KLHL6: variants seen among roughly 807,000 people sequenced by gnomAD.
KLHL6 encodes the protein kelch like family member 6.
In KLHL6, 41 loss-of-function variants were observed where a neutral mutation model predicts 58.6. The ratio of observed to expected loss-of-function variants is 0.70; its 90% confidence interval spans 0.55 to 0.91. KLHL6 has a LOEUF of 0.91. Among genes scored for constraint, KLHL6 ranks in the 40% least tolerant of loss-of-function variants. The pLI is 0.00. For missense variants in KLHL6, 714 were observed against 805.6 expected (o/e 0.89, Z 1.38); for synonymous variants, 338 against 322.7 (o/e 1.05, Z -0.51).
rs138961542 is a variant in KLHL6, at chr3:183,519,947, C to T, written c.459+7898G>A. On this transcript the variant is annotated intron_variant, in intron 2 of 6. Transcript: ENST00000341319. ...AAAACAGAAAAATAATAGGTTAAAT[C>T]ACATTCTTTTTGGCACACTTGAGTT... 2.1e-3 allele frequency among the ~76,000 whole-genome samples: 300 copies of T among 145,876 alleles called. 3 individuals carry two copies. The highest frequency in any genetic ancestry group is 7.2e-3 in the African/African-American group (286 of 39,624).
Position 183,508,187 on chromosome 3 carries a change from C to G in KLHL6, c.781G>C (p.Val261Leu). ...CACGGGTCCAGAAGCGGTAAGCGCA[C>G]GTTCTCGAGGACATAGGGGAGTAAG... ...LCLLPYVLEN[V>L]RLPLLDPWYF... The change falls in exon 3 of 7, where the codon GTG becomes CTG. Residue 261 changes from valine to leucine, a missense_variant. This residue lies in a region of KLHL6 where 510 missense variants were observed against 629.7 expected (regional missense o/e 0.81). Transcript: ENST00000341319. The G allele has an allele frequency of 6.2e-7, 1 of 1,614,188 alleles. No homozygotes were observed. The highest frequency in any genetic ancestry group is 8.5e-7 in the Non-Finnish European group (1 of 1,180,034).
chr3:183,506,869 TAAATAA>T (rs1432528157), intron 3 of KLHL6, among the ~76,000 whole-genome samples: 1 of 148,980 alleles, frequency 6.7e-6, no homozygotes, highest in Non-Finnish European at 1.5e-5. Flanking sequence ...AATAAATAAA[TAAATAA>T]AAGGAGAAGT....
chr3:183,533,287 T>C lies in KLHL6; in HGVS notation c.294-5277A>G, dbSNP rs559227207. On this transcript the variant is annotated intron_variant, in intron 1 of 6. Coordinates refer to ENST00000341319, the MANE Select transcript of KLHL6 (RefSeq NM_130446.4). ...CTTCCTTCTTTCCTTCCTTCCTTCC[T>C]TCCCTCTTTCTTTCTTCTTTCTTTC... Among the ~76,000 whole-genome samples, 121 of 151,978 alleles carry C rather than the reference T, an allele frequency of 8.0e-4. 1 individual carries two copies. The highest frequency in any genetic ancestry group is 2.7e-3 in the African/African-American group (113 of 41,420).
intron 2 of KLHL6, among the ~76,000 whole-genome samples, chr3:183,510,144 C>A (rs1184002854): frequency 6.6e-6 from 1 of 152,044 alleles, no homozygotes; most frequent in Non-Finnish European, 1.5e-5. Context: ...TGCATTGGTT[C>A]ATTCTTATTT....
chr3:183,507,087 T>C (rs1042421920), intron 3 of KLHL6, among the ~76,000 whole-genome samples: 3 of 151,758 alleles, frequency 2.0e-5, no homozygotes, highest in Non-Finnish European at 2.9e-5. Context: ...AGGCAGGAGA[T>C]TAATGATGCA....
At chr3:183,538,490 T>C (rs1712438252) in intron 1 of KLHL6, among the ~76,000 whole-genome samples, 1 of 152,212 alleles carries the variant, frequency 6.6e-6, no homozygotes, top group African/African-American at 2.4e-5. Flanking sequence ...TGTGTGGCGG[T>C]GGCTTTAACA....
Position 183,492,794 on chromosome 3 carries a change from G to T in KLHL6, c.1351-87C>A. Reference sequence around the variant, plus strand: ...CTCCCAGGATACAGGACAGAGCTCCGGGACACAGAACTGGGCATCTTTTGC... The same window carrying T: ...CTCCCAGGATACAGGACAGAGCTCCTGGACACAGAACTGGGCATCTTTTGC... On this transcript the variant is annotated intron_variant, in intron 5 of 6. Coordinates refer to ENST00000341319, the MANE Select transcript of KLHL6 (RefSeq NM_130446.4). This position sits in a 1 kb window ranked among gnomAD's most constrained non-coding sequence, Gnocchi z 5.9. 3 of 1,254,112 alleles carry T rather than the reference G, an allele frequency of 2.4e-6. No homozygotes were observed. Among genetic ancestry groups the T allele is most frequent in the East Asian group, 2.4e-5 (1 of 42,250 alleles). The allele number at this position is 1,254,112 out of a possible 1,614,324, so 77.7% of individuals were successfully genotyped here. A position where few individuals can be genotyped will look rare whatever the true frequency, so the allele number is the denominator to read the frequency against.
chr3:183,535,014 G>T (rs985285470), intron 1 of KLHL6, among the ~76,000 whole-genome samples: 1 of 149,150 alleles, frequency 6.7e-6, no homozygotes, highest in Non-Finnish European at 1.5e-5. Flanking sequence ...GCACAATATC[G>T]GCTCACTGCA....
intron 2 of KLHL6, chr3:183,522,677 A>G (rs148968672): frequency 6.6e-6 from 1 of 152,336 alleles, no homozygotes; most frequent in Non-Finnish European, 1.5e-5. Flanking sequence ...AGCAATTATT[A>G]GTATTAGCCT....
intron 1 of KLHL6, among the ~76,000 whole-genome samples, chr3:183,529,785 A>G (rs992187838): frequency 6.7e-6 from 1 of 148,944 alleles, no homozygotes. Context: ...ACCCCATCTC[A>G]AAAAAAAAAG....
At chr3:183,528,816 A>T (rs540966458) in intron 1 of KLHL6, among the ~76,000 whole-genome samples, 6 of 152,300 alleles carry the variant, frequency 3.9e-5, no homozygotes, top group African/African-American at 1.4e-4. Flanking sequence ...GACCCAAAGG[A>T]CTATAAATCA....
intron 2 of KLHL6, among the ~76,000 whole-genome samples, chr3:183,519,099 T>G (rs948778694): frequency 2.0e-5 from 3 of 151,054 alleles, no homozygotes; most frequent in Admixed American, 2.0e-4. Flanking sequence ...GAGATGAGAG[T>G]GTATTGTTTC....
chr3:183,541,187 G>A (rs1427717522), intron 1 of KLHL6, among the ~76,000 whole-genome samples: 2 of 152,190 alleles, frequency 1.3e-5, no homozygotes, highest in Non-Finnish European at 2.9e-5. Context: ...GTCATAAAAG[G>A]TATCCCTTGT....
rs146141454 is a variant in KLHL6 at position 183,512,898 on chromosome 3, A to C, written c.460-4390T>G. Among the ~76,000 whole-genome samples the C allele has an allele frequency of 9.2e-3, 1,403 of 152,158 alleles. 20 individuals carry two copies. Among genetic ancestry groups the C allele is most frequent in the African/African-American group, 0.033 (1,351 of 41,536 alleles). On this transcript the variant is annotated intron_variant, in intron 2 of 6. Transcript: ENST00000341319. Reference sequence around the variant, plus strand: ...AATTCCCATCCAATTTCAGGGAAGAAAGGGAGAATTACTTTACCCTCTTCA... The same window carrying C: ...AATTCCCATCCAATTTCAGGGAAGACAGGGAGAATTACTTTACCCTCTTCA...
intron 1 of KLHL6, among the ~76,000 whole-genome samples, chr3:183,554,781 G>A (rs1244987177): frequency 6.6e-6 from 1 of 152,180 alleles, no homozygotes; most frequent in Non-Finnish European, 1.5e-5. Context: ...TTGGAACAAG[G>A]AAATATACAC....
intron 1 of KLHL6, among the ~76,000 whole-genome samples, chr3:183,549,781 A>G (rs1476235217): frequency 2.0e-5 from 3 of 152,220 alleles, no homozygotes; most frequent in Non-Finnish European, 4.4e-5. Flanking sequence ...AGCCTCTAAA[A>G]TAAAAGACAG....
chr3:183,534,078 AAAAGTACTTTACTTTT>A (rs1200994768), intron 1 of KLHL6, among the ~76,000 whole-genome samples: 2,213 of 136,460 alleles, frequency 0.016, 47 homozygotes, highest in Non-Finnish European at 0.024. Context: ...ACCAGCCTTT[AAAAGTACTTTACTTTT>A]AAAGTACTTT....
intron 1 of KLHL6, among the ~76,000 whole-genome samples, chr3:183,544,035 C>T (rs1258177891): frequency 8.5e-5 from 13 of 152,118 alleles, no homozygotes; most frequent in South Asian, 4.2e-4. Context: ...TAGTGGCACA[C>T]GCCTGTAGTC....
chr3:183,505,851 C>T (rs574815673), intron 3 of KLHL6, among the ~76,000 whole-genome samples: 4 of 152,038 alleles, frequency 2.6e-5, no homozygotes, highest in African/African-American at 4.8e-5. Flanking sequence ...AAACAGAGAT[C>T]CTAAATAGTC....
Sources: gnomAD v4.1 joint callset for allele counts (sites outside exome capture counted in the v4.1 genomes callset) on GRCh38, gnomAD v4.1.1 for gene constraint, gnomAD v4.1.1 regional missense constraint, Gnocchi (gnomAD v3.1) non-coding constraint, MANE v1.5 for transcripts, NCBI Gene and HGNC (gene_info 2026-07-23, HGNC 2026-07-21) for gene names.